Variants in KRABD5 observed in about 807,000 individuals in gnomAD.
KRABD5 encodes KRAB domain-containing protein 5.
chr16:31,730,875 A>G, the KRABD5 span, among the ~76,000 whole-genome samples: 2 of 151,870 alleles, frequency 1.3e-5, no homozygotes, highest in African/African-American at 2.4e-5. Flanking sequence ...CAAGATTTCT[A>G]TCTGGTTCCT....
the KRABD5 span, among the ~76,000 whole-genome samples, chr16:31,739,091 A>T: frequency 6.6e-6 from 1 of 152,220 alleles, no homozygotes; most frequent in Non-Finnish European, 1.5e-5. Context: ...ATGCACCATC[A>T]TTATAATACA....
chr16:31,738,966 T>C, the KRABD5 span, among the ~76,000 whole-genome samples: 7 of 152,214 alleles, frequency 4.6e-5, no homozygotes, highest in Non-Finnish European at 1.0e-4. Context: ...CTCTCCATTG[T>C]ATTTTATTGA....
At chr16:31,735,061 C>CTTTCTTTTCTCT in the KRABD5 span, among the ~76,000 whole-genome samples, 5 of 150,938 alleles carry the variant, frequency 3.3e-5, no homozygotes, top group Non-Finnish European at 7.4e-5. Flanking sequence ...CCTGCCTGCC[C>CTTTCTTTTCTCT]TTTCTTTTCT....
At chr16:31,739,035 T>G in the KRABD5 span, among the ~76,000 whole-genome samples, 1 of 152,244 alleles carries the variant, frequency 6.6e-6, no homozygotes, top group Non-Finnish European at 1.5e-5. Flanking sequence ...GTGGTTATTT[T>G]AAAGTATTTG....
the KRABD5 span, among the ~76,000 whole-genome samples, chr16:31,720,342 G>A: frequency 2.0e-5 from 3 of 152,158 alleles, no homozygotes; most frequent in African/African-American, 4.8e-5. Context: ...TTTTGTGCCC[G>A]CTTCCTCTAG....
At chr16:31,727,102 A>C in the KRABD5 span, among the ~76,000 whole-genome samples, 2 of 152,212 alleles carry the variant, frequency 1.3e-5, no homozygotes, top group Non-Finnish European at 2.9e-5. Flanking sequence ...TAGTATATAG[A>C]AATGCAACTA....
the KRABD5 span, among the ~76,000 whole-genome samples, chr16:31,748,145 T>A: frequency 6.6e-6 from 1 of 152,172 alleles, no homozygotes; most frequent in Non-Finnish European, 1.5e-5. Flanking sequence ...AAGTCTTTAA[T>A]CCATCTTGAA....
the KRABD5 span, chr16:31,758,442 G>A: frequency 6.6e-6 from 1 of 151,484 alleles, no homozygotes; most frequent in Admixed American, 6.6e-5. Flanking sequence ...AAGATTCCCC[G>A]AGGAATTCAA....
chr16:31,717,443 T>A, the KRABD5 span, among the ~76,000 whole-genome samples: 7 of 152,228 alleles, frequency 4.6e-5, no homozygotes, highest in African/African-American at 1.7e-4. Context: ...GTTGCAAATG[T>A]ACCTACCTGT....
At chr16:31,737,301 A>G in the KRABD5 span, among the ~76,000 whole-genome samples, 18 of 152,332 alleles carry the variant, frequency 1.2e-4, no homozygotes, top group South Asian at 4.1e-4. Flanking sequence ...TATAATAAAA[A>G]CATAAACATG....
the KRABD5 span, among the ~76,000 whole-genome samples, chr16:31,740,692 G>C: frequency 2.0e-5 from 3 of 151,988 alleles, no homozygotes; most frequent in Non-Finnish European, 4.4e-5. Context: ...GACTCAGGAG[G>C]CTGTGTCAGG....
the KRABD5 span, among the ~76,000 whole-genome samples, chr16:31,735,394 G>A: frequency 1.3e-5 from 2 of 152,054 alleles, no homozygotes; most frequent in Admixed American, 6.6e-5. Context: ...CTATGTTTTT[G>A]ACACGTTGAT....
the KRABD5 span, among the ~76,000 whole-genome samples, chr16:31,734,786 G>A: frequency 6.9e-6 from 1 of 144,530 alleles, no homozygotes; most frequent in Admixed American, 7.0e-5. Context: ...TTGCTCTGTT[G>A]CCCAGGCTGG....
At chr16:31,742,172 T>G in the KRABD5 span, among the ~76,000 whole-genome samples, 1 of 132,716 alleles carries the variant, frequency 7.5e-6, no homozygotes, top group Non-Finnish European at 1.6e-5. Context: ...AAAAAAAATT[T>G]TTTGTTTTTC....
At chr16:31,746,976 A>C in the KRABD5 span, among the ~76,000 whole-genome samples, 1 of 145,992 alleles carries the variant, frequency 6.8e-6, no homozygotes, top group Non-Finnish European at 1.5e-5. Context: ...CAGGTCATTT[A>C]TGTTTCTGTT....
chr16:31,723,232 T>A, the KRABD5 span: 3 of 1,605,232 alleles, frequency 1.9e-6, no homozygotes, highest in Non-Finnish European at 2.6e-6. Context: ...CCAGCAAGAG[T>A]CATGTGACTT....
At chr16:31,740,823 A>G in the KRABD5 span, among the ~76,000 whole-genome samples, 1 of 151,944 alleles carries the variant, frequency 6.6e-6, no homozygotes, top group Non-Finnish European at 1.5e-5. Flanking sequence ...TTCTCTTAAT[A>G]TACTTTTGAC....
the KRABD5 span, chr16:31,758,768 CTG>C: frequency 2.0e-5 from 3 of 146,854 alleles, no homozygotes; most frequent in Non-Finnish European, 4.5e-5. Flanking sequence ...GAGCAGAACT[CTG>C]TCTCAAAAAA....
the KRABD5 span, among the ~76,000 whole-genome samples, chr16:31,747,560 G>A: frequency 1.3e-5 from 2 of 152,240 alleles, no homozygotes; most frequent in South Asian, 2.1e-4. Flanking sequence ...CTGAGGAATC[G>A]CCACACCGAC....
Sources: gnomAD v4.1 joint callset for allele counts (sites outside exome capture counted in the v4.1 genomes callset) on GRCh38, gnomAD v4.1.1 for gene constraint, MANE v1.5 for transcripts, NCBI Gene and HGNC (gene_info 2026-07-23, HGNC 2026-07-21) for gene names.